Variants in ADAMTSL1 observed in about 807,000 individuals in gnomAD.
ADAMTSL1 encodes the protein ADAMTS like 1.
A neutral mutation model predicts 201.8 loss-of-function variants in ADAMTSL1; 126 were observed. That is an observed-to-expected ratio of 0.62 (90% CI 0.54 to 0.72). The LOEUF is 0.72. ADAMTSL1 is among the 30% of genes least tolerant of loss of function. The pLI is 0.00. For synonymous variants in ADAMTSL1, 1,121 were observed against 903.4 expected (o/e 1.24, Z -4.32); for missense variants, 2,679 against 2,277.8 (o/e 1.18, Z -3.59).
At chr9:18,867,388 G>A (rs1196776833) in intron 23 of ADAMTSL1, among the ~76,000 whole-genome samples, 2 of 152,210 alleles carry the variant, frequency 1.3e-5, no homozygotes, top group South Asian at 4.1e-4. Context: ...AATAGGCAAA[G>A]TATGTAAAAG....
At chr9:18,544,806 T>C (rs1485446120) in intron 3 of ADAMTSL1, among the ~76,000 whole-genome samples, 1 of 152,212 alleles carries the variant, frequency 6.6e-6, no homozygotes, top group African/African-American at 2.4e-5. Context: ...TGAGACCCAC[T>C]CAGCTAGAGC....
chr9:18,494,830 G>T (rs1007464271), intron 1 of ADAMTSL1, among the ~76,000 whole-genome samples: 1 of 152,132 alleles, frequency 6.6e-6, no homozygotes, highest in African/African-American at 2.4e-5. Flanking sequence ...AGCCCACCTG[G>T]CATTTATTAA....
intron 4 of ADAMTSL1, among the ~76,000 whole-genome samples, chr9:18,588,200 C>G (rs980886009): frequency 6.6e-6 from 1 of 152,128 alleles, no homozygotes; most frequent in Admixed American, 6.6e-5. Flanking sequence ...GGTTTTGATT[C>G]GCATTTCCCT....
intron 3 of ADAMTSL1, among the ~76,000 whole-genome samples, chr9:18,567,111 T>G (rs10963639): frequency 0.26 from 38,954 of 152,036 alleles, 5,410 homozygotes; most frequent in East Asian, 0.61. Flanking sequence ...CAATCCTGTA[T>G]TTTAAAAAGG....
At chr9:18,775,718 C>T (rs369277513) in intron 17 of ADAMTSL1, 25 bp from the exon 18 acceptor site, 348 of 1,608,904 alleles carry the variant, frequency 2.2e-4, no homozygotes, top group Non-Finnish European at 2.8e-4. Context: ...AATTTATGTG[C>T]ATTTGGCCTT....
At chr9:18,751,487 T>A (rs1819465879) in intron 15 of ADAMTSL1, among the ~76,000 whole-genome samples, 1 of 152,222 alleles carries the variant, frequency 6.6e-6, no homozygotes, top group South Asian at 2.1e-4. Context: ...AGAGCTTATC[T>A]CATATTGTTC....
At chr9:18,641,265 C>G (rs1827417828) in intron 7 of ADAMTSL1, among the ~76,000 whole-genome samples, 1 of 152,070 alleles carries the variant, frequency 6.6e-6, no homozygotes, top group African/African-American at 2.4e-5. Context: ...GTCTGTATCT[C>G]CCCACCTCTG....
At chr9:18,380,027 C>G (rs535881867) in intron 2 of ADAMTSL1, among the ~76,000 whole-genome samples, 23 of 152,304 alleles carry the variant, frequency 1.5e-4, no homozygotes, top group Admixed American at 1.1e-3. Flanking sequence ...AAATTGTTGA[C>G]TATTTGCCTA....
intron 4 of ADAMTSL1, among the ~76,000 whole-genome samples, chr9:18,606,619 A>G (rs1036581791): frequency 6.6e-6 from 1 of 152,096 alleles, no homozygotes; most frequent in Non-Finnish European, 1.5e-5. Context: ...CAATTCTGTC[A>G]TTTTCTAGAT....
chr9:18,857,468 C>G, intron 23 of ADAMTSL1, among the ~76,000 whole-genome samples: 1 of 152,136 alleles, frequency 6.6e-6, no homozygotes. Context: ...TTGGATGTGC[C>G]TGATGTTTCC....
At chr9:18,023,074 A>G (rs984952765) in intron 1 of ADAMTSL1, among the ~76,000 whole-genome samples, 6 of 152,130 alleles carry the variant, frequency 3.9e-5, no homozygotes, top group African/African-American at 1.4e-4. Context: ...ATATTTATAA[A>G]GTAGCTGTTT....
chr9:18,097,546 G>C (rs1824306688), intron 1 of ADAMTSL1, among the ~76,000 whole-genome samples: 1 of 152,142 alleles, frequency 6.6e-6, no homozygotes, highest in East Asian at 1.9e-4. Context: ...TTGTATAAAA[G>C]TCTGGCTGCT....
At chr9:18,107,130 G>A (rs1824794446) in intron 1 of ADAMTSL1, among the ~76,000 whole-genome samples, 1 of 152,070 alleles carries the variant, frequency 6.6e-6, no homozygotes, top group South Asian at 2.1e-4. Flanking sequence ...TTGCATAACT[G>A]CAGCACTCCA....
upstream of ADAMTSL1, among the ~76,000 whole-genome samples, chr9:18,473,153 C>G (rs552377493): frequency 2.0e-5 from 3 of 152,230 alleles, no homozygotes; most frequent in South Asian, 4.1e-4. Context: ...CTCAGTTCAG[C>G]CTTTTCTGCA....
intron 3 of ADAMTSL1, among the ~76,000 whole-genome samples, chr9:18,549,152 T>C (rs1380178861): frequency 2.0e-5 from 3 of 151,834 alleles, no homozygotes; most frequent in Non-Finnish European, 4.4e-5. Flanking sequence ...TAAAAATACA[T>C]AACCAGACAT....
chr9:18,424,858 C>T (rs759461227), intron 2 of ADAMTSL1, among the ~76,000 whole-genome samples: 8 of 152,096 alleles, frequency 5.3e-5, no homozygotes, highest in Non-Finnish European at 8.8e-5. Flanking sequence ...ACTGTTATGG[C>T]GTTTGAAATG....
chr9:18,184,645 T>C (rs1417434632), intron 2 of ADAMTSL1, among the ~76,000 whole-genome samples: 2 of 152,178 alleles, frequency 1.3e-5, no homozygotes, highest in African/African-American at 4.8e-5. Flanking sequence ...AGCCAGAGAT[T>C]CCCTCAATCC....
intron 1 of ADAMTSL1, among the ~76,000 whole-genome samples, chr9:18,053,794 A>G (rs1003162314): frequency 7.2e-5 from 11 of 152,326 alleles, no homozygotes; most frequent in African/African-American, 2.6e-4. Flanking sequence ...GGAGGCTTCA[A>G]GGATAAAACA....
chr9:18,083,522 G>T lies in ADAMTSL1; in HGVS notation c.88-80340G>T, dbSNP rs188885758. Among the ~76,000 whole-genome samples the T allele has an allele frequency of 7.4e-4, 113 of 152,250 alleles. 1 individual carries two copies. The highest frequency in any genetic ancestry group is 2.6e-3 in the African/African-American group (110 of 41,558). ...AATGTTGATATTTAGCCTTTGGCTT[G>T]GTCCAAATGCTGTAGGTAATTTCAG... On this transcript the variant is annotated intron_variant, in intron 1 of 29. Transcript: ENST00000680146.
Sources: gnomAD v4.1 joint callset for allele counts (sites outside exome capture counted in the v4.1 genomes callset) on GRCh38, gnomAD v4.1.1 for gene constraint, MANE v1.5 for transcripts, NCBI Gene and HGNC (gene_info 2026-07-23, HGNC 2026-07-21) for gene names.